Variants in DEPTOR observed in about 807,000 individuals in gnomAD.
DEPTOR encodes DEP domain containing MTOR interacting protein.
In DEPTOR, 41 loss-of-function variants were observed where a neutral mutation model predicts 41.6. The observed-to-expected ratio is 0.98, with a 90% confidence interval of 0.77 to 1.28. The LOEUF (loss-of-function observed/expected upper bound fraction) is 1.28, where lower values mean the gene tolerates loss of function less well. DEPTOR is among the 50% of genes most tolerant of loss of function. The pLI is 0.00. For missense variants in DEPTOR, 514 were observed against 527.9 expected (o/e 0.97, Z 0.26); for synonymous variants, 195 against 192.3 (o/e 1.01, Z -0.12).
At chr8:119,973,924 C>A (rs756613352) in intron 4 of DEPTOR, among the ~76,000 whole-genome samples, 2 of 152,114 alleles carry the variant, frequency 1.3e-5, no homozygotes, top group Non-Finnish European at 2.9e-5. Flanking sequence ...GAGACATTTG[C>A]TCTGCTGGCC....
chr8:119,980,970 C>A (rs1828760088), intron 4 of DEPTOR, among the ~76,000 whole-genome samples: 1 of 152,172 alleles, frequency 6.6e-6, no homozygotes, highest in Admixed American at 6.6e-5. Flanking sequence ...TTCCCCAGCA[C>A]CATGATTTCA....
intron 1 of DEPTOR, among the ~76,000 whole-genome samples, chr8:119,904,649 C>T (rs2129762172): frequency 6.6e-6 from 1 of 152,040 alleles, no homozygotes; most frequent in East Asian, 1.9e-4. Flanking sequence ...GAGTGTGCCA[C>T]CATGCCCAGC....
intron 4 of DEPTOR, among the ~76,000 whole-genome samples, chr8:119,969,169 C>G (rs576082217): frequency 6.6e-6 from 1 of 151,952 alleles, no homozygotes; most frequent in Non-Finnish European, 1.5e-5. Flanking sequence ...CTGACCCACA[C>G]TGTATATCCT....
At chr8:120,005,439 G>A (rs1056642375) in intron 6 of DEPTOR, among the ~76,000 whole-genome samples, 2 of 152,204 alleles carry the variant, frequency 1.3e-5, no homozygotes, top group Non-Finnish European at 1.5e-5. Flanking sequence ...CCAGAAGGCC[G>A]TTCATGTAAC....
At chr8:119,923,263 A>C (rs950575234) in intron 1 of DEPTOR, among the ~76,000 whole-genome samples, 3 of 151,780 alleles carry the variant, frequency 2.0e-5, no homozygotes, top group Admixed American at 1.3e-4. Context: ...TTTATTTTTG[A>C]GATGAGGTCT....
At position 119,965,216 on chromosome 8, in the gene DEPTOR, C is replaced by CTTTT; in HGVS notation, c.426-12_426-9dup. 6.3e-7 allele frequency: 1 copy of CTTTT among 1,597,176 alleles called. No individual in the cohort carries two copies. Among genetic ancestry groups the CTTTT allele is most frequent in the Non-Finnish European group, 8.5e-7 (1 of 1,174,630 alleles). On this transcript the variant is annotated splice_polypyrimidine_tract_variant and intron_variant, in intron 3 of 8. Transcript: ENST00000286234. ...TCGTATAGGTTTACTTTTCTTTTCCCTTTTTTTCTTCCCAGGCTGATGAGC... is the reference window on the plus strand; with the variant it reads ...TCGTATAGGTTTACTTTTCTTTTCCCTTTTTTTTTTTCTTCCCAGGCTGATGAGC...
intron 8 of DEPTOR, among the ~76,000 whole-genome samples, chr8:120,023,573 A>G (rs992415341): frequency 6.6e-6 from 1 of 152,184 alleles, no homozygotes; most frequent in African/African-American, 2.4e-5. Context: ...AAAGATAAAC[A>G]TGAGAGTGTC....
At chr8:119,921,982 AT>A (rs1320711286) in intron 1 of DEPTOR, among the ~76,000 whole-genome samples, 1 of 151,966 alleles carries the variant, frequency 6.6e-6, no homozygotes, top group African/African-American at 2.4e-5. Context: ...CAGGCCTGTA[AT>A]TCCCAGCACT....
intron 1 of DEPTOR, among the ~76,000 whole-genome samples, chr8:119,922,076 A>G (rs1827903391): frequency 6.6e-6 from 1 of 151,916 alleles, no homozygotes; most frequent in South Asian, 2.1e-4. Context: ...CGTCTCTCCT[A>G]AAAATACAAA....
At chr8:119,915,785 CAGTAGGG>C (rs1309412156) in intron 1 of DEPTOR, among the ~76,000 whole-genome samples, 7 of 152,140 alleles carry the variant, frequency 4.6e-5, no homozygotes, top group African/African-American at 1.4e-4. Context: ...GCAAACCTCG[CAGTAGGG>C]AGTGGCCAAG....
chr8:119,962,488 G>A (rs1286677941), intron 3 of DEPTOR, among the ~76,000 whole-genome samples: 1 of 152,008 alleles, frequency 6.6e-6, no homozygotes, highest in African/African-American at 2.4e-5. Context: ...CTAGCCATGG[G>A]GATGGCAAAT....
In DEPTOR at chr8:119,950,124, G is replaced by A. The variant is rs560130835; in HGVS notation, c.426-15108G>A. 8.5e-5 allele frequency among the ~76,000 whole-genome samples: 13 copies of A among 152,260 alleles called. No homozygotes were observed. In the South Asian group the frequency reaches 1.7e-3, roughly 19 times the overall value. ...TCTAACTGTCCCTGCACCATCTGTC[G>A]AAAGGACGACCCTTTCCTCGTTATA... On this transcript the variant is annotated intron_variant, in intron 3 of 8. Transcript: ENST00000286234.
intron 1 of DEPTOR, among the ~76,000 whole-genome samples, chr8:119,919,013 C>T (rs1827856610): frequency 6.6e-6 from 1 of 151,614 alleles, no homozygotes; most frequent in Admixed American, 6.6e-5. Flanking sequence ...TCTGGCCCTA[C>T]AGAATCACCT....
At position 120,031,269 on chromosome 8, in the gene DEPTOR, C is replaced by T. The variant is rs145842730; in HGVS notation, c.1102-18307C>T. Among the ~76,000 whole-genome samples the T allele has an allele frequency of 1.1e-4, 16 of 152,110 alleles. No individual in the cohort carries two copies. In the East Asian group the frequency reaches 3.1e-3, roughly 30 times the overall value. Reference sequence around the variant, plus strand: ...ATCACCTGAGGTCAGGAGTTCAAGACCAGCCTAGGCAACATGGTGAAACCG... The same window carrying T: ...ATCACCTGAGGTCAGGAGTTCAAGATCAGCCTAGGCAACATGGTGAAACCG... On this transcript the variant is annotated intron_variant, in intron 8 of 8. Coordinates refer to ENST00000286234, the MANE Select transcript of DEPTOR (RefSeq NM_022783.4).
chr8:120,028,452 C>A (rs1053027071), intron 8 of DEPTOR, among the ~76,000 whole-genome samples: 10 of 107,364 alleles, frequency 9.3e-5, no homozygotes, highest in Non-Finnish European at 1.5e-4. Flanking sequence ...AGCTCCAAAT[C>A]TTTTTTTTTT....
rs377465270 is a variant in DEPTOR at position 119,873,730 on chromosome 8, C to A, written c.-117C>A. 17 of 1,434,918 alleles carry A rather than the reference C, an allele frequency of 1.2e-5. No individual in the cohort carries two copies. The African/African-American group carries it at 2.5e-4, about 21-fold the overall frequency. 88.9% of individuals were successfully genotyped at this position (1,434,918 alleles called of 1,614,324 possible). On this transcript the variant is annotated 5_prime_UTR_variant, in exon 1 of 9. Transcript: ENST00000286234. ...CCCTCTCCAGCCAATCCAGTCAGAG[C>A]AGCGGAGCTGCCCCGAACAAAGATG... is the stretch of plus-strand genomic sequence containing the variant.
chr8:119,971,239 A>G (rs1199260116), intron 4 of DEPTOR, among the ~76,000 whole-genome samples: 1 of 152,020 alleles, frequency 6.6e-6, no homozygotes, highest in Non-Finnish European at 1.5e-5. Flanking sequence ...TCAAAAAAAA[A>G]AAAAAAAAAA....
intron 1 of DEPTOR, among the ~76,000 whole-genome samples, chr8:119,882,688 C>G (rs904374179): frequency 3.3e-5 from 5 of 152,138 alleles, no homozygotes; most frequent in African/African-American, 1.2e-4. Context: ...ATATTAGAGG[C>G]CATCAGCACC....
At chr8:120,008,496 C>A (rs1812480629) in intron 7 of DEPTOR, among the ~76,000 whole-genome samples, 1 of 146,732 alleles carries the variant, frequency 6.8e-6, no homozygotes, top group South Asian at 2.1e-4. Context: ...CTACTGCACT[C>A]CAGCCTGGGT....
Sources: allele counts gnomAD v4.1 joint callset (sites outside exome capture counted in the v4.1 genomes callset), GRCh38; gene constraint gnomAD v4.1.1; transcripts MANE v1.5; gene names NCBI Gene and HGNC (gene_info 2026-07-23, HGNC 2026-07-21).